The following QRICH2 variants were observed in gnomAD, a reference collection of about 807,000 sequenced individuals.
QRICH2 encodes glutamine-rich protein 2.
QRICH2 carries 119 observed loss-of-function variants against 168.3 expected under a neutral mutation model. That is an observed-to-expected ratio of 0.71 (90% CI 0.61 to 0.82). The LOEUF is 0.82. Ranked by LOEUF, QRICH2 falls within the 40% of genes least tolerant of loss-of-function variation. QRICH2 has a pLI of 0.00. For synonymous variants in QRICH2, 894 were observed against 951.2 expected, an observed-to-expected ratio of 0.94 and a Z score of 1.11; for missense variants, 2,241 against 2,491.6, an observed-to-expected ratio of 0.90 and a Z score of 2.14.
At chr17:76,297,475 C>T (rs1389121526) in intron 3 of QRICH2, among the ~76,000 whole-genome samples, 1 of 151,816 alleles carries the variant, frequency 6.6e-6, no homozygotes, top group Non-Finnish European at 1.5e-5. Context: ...CCACTGCACT[C>T]CGGCCTGGGC....
chr17:76,284,354 G>T (rs1271740886), intron 7 of QRICH2, among the ~76,000 whole-genome samples: 1 of 141,968 alleles, frequency 7.0e-6, no homozygotes, highest in East Asian at 1.9e-4. Context: ...ACACTGTCAA[G>T]AAAATGAAAA....
chr17:76,281,068 A>G lies in QRICH2; in HGVS notation c.4264-115T>C. ...CCCTTAAAACATCTGCAAGGCTGGG[A>G]GCGGTGGCTCATGCCTGTAGTCCTG... On this transcript the variant is annotated intron_variant, in intron 8 of 18. Coordinates refer to ENST00000680821, the MANE Select transcript of QRICH2 (RefSeq NM_001388453.1). The surrounding 1 kb of genome is among the most constrained non-coding windows in gnomAD (Gnocchi z 4.4). 4 of 1,413,822 alleles carry G rather than the reference A, an allele frequency of 2.8e-6. No individual in the cohort carries two copies. The highest frequency in any genetic ancestry group is 3.8e-6 in the Non-Finnish European group (4 of 1,057,638). The allele number at this position is 1,413,822 out of a possible 1,614,324, so 87.6% of individuals were successfully genotyped here. A position where few individuals can be genotyped will look rare whatever the true frequency, so the allele number is the denominator to read the frequency against.
rs1390616913 is a variant in QRICH2, at chr17:76,277,459, C to CG, written c.5118-150dup. 4.3e-6 allele frequency: 4 copies of CG among 938,576 alleles called. No individual in the cohort carries two copies. In the African/African-American group the frequency reaches 5.1e-5, roughly 12 times the overall value. 58.1% of individuals were successfully genotyped at this position (938,576 alleles called of 1,614,324 possible). On this transcript the variant is annotated intron_variant, in intron 15 of 18. Coordinates refer to ENST00000680821, the MANE Select transcript of QRICH2 (RefSeq NM_001388453.1). ...CTGAGCAGCAGGGGCCCAGAACAGG[C>CG]GGGCGGGGGTAGAGCAGCCGTGAGG...
At chr17:76,277,650 TCATACA>T in intron 15 of QRICH2, among the ~76,000 whole-genome samples, 1 of 150,412 alleles carries the variant, frequency 6.6e-6, no homozygotes. Flanking sequence ...ACATACATAC[TCATACA>T]CATGCACACA....
At chr17:76,289,716 T>A (rs1447868169) in intron 5 of QRICH2, among the ~76,000 whole-genome samples, 2 of 152,072 alleles carry the variant, frequency 1.3e-5, no homozygotes, top group Admixed American at 1.3e-4. Flanking sequence ...GGTAGGCAGA[T>A]CATCTGAGGT....
Position 76,307,776 on chromosome 17 carries a change from C to T in QRICH2, c.223G>A (p.Ala75Thr). ...RSSFSIPHLP[A>T]PKEVPKGAPR... ...GCCCCCTTGGGCACCTCCTTGGGCG[C>T]GGGCAGGTGCGGGATGCTGAACGAG... Residue 75 changes from alanine (A) to threonine (T), a missense_variant, in exon 1 of 19, where the codon GCG (alanine) becomes ACG (threonine). This residue lies in a region of QRICH2 where 2,047 missense variants were observed against 2,303.8 expected (regional missense o/e 0.89). Transcript: ENST00000680821. This position sits in a 1 kb window ranked among gnomAD's most constrained non-coding sequence, Gnocchi z 5.3. The T allele has an allele frequency of 7.2e-7, 1 of 1,381,692 alleles. No homozygotes were observed. 85.6% of individuals were successfully genotyped at this position (1,381,692 alleles called of 1,614,324 possible).
chr17:76,305,012 CAG>C, intron 1 of QRICH2, 71 bp from the exon 2 acceptor site: 1 of 970,656 alleles, frequency 1.0e-6, no homozygotes, highest in Middle Eastern at 2.1e-4. Context: ...CACACACACA[CAG>C]ATGCGCACAC....
upstream of QRICH2, chr17:76,309,751 A>G (rs2071049714): frequency 6.6e-6 from 1 of 152,222 alleles, no homozygotes; most frequent in Non-Finnish European, 1.5e-5. Flanking sequence ...CAGATACTAC[A>G]CCATTTTCTA....
At chr17:76,275,488 C>G (rs374848998) in intron 18 of QRICH2, among the ~76,000 whole-genome samples, 1 of 152,314 alleles carries the variant, frequency 6.6e-6, no homozygotes, top group African/African-American at 2.4e-5. Context: ...CTGTGCCCAG[C>G]AGCCACCATG....
chr17:76,295,298 G>A (rs1344771306), intron 3 of QRICH2, among the ~76,000 whole-genome samples: 1 of 151,780 alleles, frequency 6.6e-6, no homozygotes, highest in Non-Finnish European at 1.5e-5. Context: ...TATAAAGTTT[G>A]CTCCATTGTT....
chr17:76,307,434 G>T lies in QRICH2; in HGVS notation c.534+31C>A. On this transcript the variant is annotated intron_variant, in intron 1 of 18. Transcript: ENST00000680821. The surrounding 1 kb of genome is among the most constrained non-coding windows in gnomAD (Gnocchi z 5.3). ...GGAGGGCGGCCTGGAGGAGGCAGAC[G>T]GCCTGCGCGTGCCTCCGTGTGCGTG... 1 of 1,611,466 alleles carries T rather than the reference G, an allele frequency of 6.2e-7. No individual in the cohort carries two copies. Among genetic ancestry groups the T allele is most frequent in the Non-Finnish European group, 8.5e-7 (1 of 1,178,302 alleles).
At position 76,293,166 on chromosome 17, in the gene QRICH2, C is replaced by G; in HGVS notation, c.1561G>C (p.Asp521His). ...DQQGLTLPVV[D>H]QHGLVLPFTD... The stretch of plus-strand genomic sequence containing the variant: ...AAAGGTAGAACCAGGCCATGTTGAT[C>G]GACGACAGGCAATGTCAATCCTTGC... The change falls in exon 4 of 19, where the codon GAT (aspartate) becomes CAT (histidine). Residue 521 changes from aspartate (D) to histidine (H), a missense_variant. Asp to His is a moderately conservative substitution (Grantham distance 81). This residue lies in a region of QRICH2 where 2,047 missense variants were observed against 2,303.8 expected (regional missense o/e 0.89). Coordinates refer to ENST00000680821, the MANE Select transcript of QRICH2 (RefSeq NM_001388453.1). 1 of 1,614,220 alleles carries G rather than the reference C, an allele frequency of 6.2e-7. No individual in the cohort carries two copies.
chr17:76,299,425 A>G (rs967473528), intron 3 of QRICH2, among the ~76,000 whole-genome samples: 1 of 152,080 alleles, frequency 6.6e-6, no homozygotes, highest in Non-Finnish European at 1.5e-5. Context: ...TTCTCAGAGG[A>G]AAGCGGCATC....
chr17:76,286,037 T>C (rs1161349232), intron 7 of QRICH2, among the ~76,000 whole-genome samples: 1 of 151,742 alleles, frequency 6.6e-6, no homozygotes, highest in Non-Finnish European at 1.5e-5. Context: ...TAGCCGGGCG[T>C]GGTGGCAGGT....
At chr17:76,308,563 T>C (rs1349481863), upstream of QRICH2, 4 of 850,012 alleles carry the variant, frequency 4.7e-6, no homozygotes, top group African/African-American at 1.8e-5. Flanking sequence ...GGTGGCCCCA[T>C]GTCTATGGCC....
chr17:76,295,767 G>A (rs2143336959), intron 3 of QRICH2, among the ~76,000 whole-genome samples: 1 of 152,310 alleles, frequency 6.6e-6, no homozygotes, highest in South Asian at 2.1e-4. Context: ...GATGGGGTCT[G>A]CAGCATCTTG....
At chr17:76,274,777 G>T (rs74808805) in intron 18 of QRICH2, among the ~76,000 whole-genome samples, 7,586 of 152,210 alleles carry the variant, frequency 0.05, 257 homozygotes, top group East Asian at 0.14. Context: ...GCTTGGCTTT[G>T]AACTCCAGCT....
In QRICH2 at chr17:76,275,920, T is replaced by C; in HGVS notation, c.5381A>G (p.Gln1794Arg). ...CCTGTGCACGTGGGGCCTGGGCTGC[T>C]GGGACTTGCGCTTTGAGGTCCCTGA... ...DSSGTSKRKS[Q>R]QPRPHVHRPP... is the part of the protein sequence containing the mutation. The change falls in exon 18 of 19, where the codon CAG becomes CGG. Residue 1794 changes from glutamine to arginine, a missense_variant. Around this residue, in one of 3 missense-constraint regions of QRICH2, gnomAD observed 189 missense variants for 169.3 expected, o/e 1.12. Coordinates refer to ENST00000680821, the MANE Select transcript of QRICH2 (RefSeq NM_001388453.1). The C allele has an allele frequency of 6.2e-7, 1 of 1,608,824 alleles. No individual in the cohort carries two copies. The highest frequency in any genetic ancestry group is 8.5e-7 in the Non-Finnish European group (1 of 1,179,900).
chr17:76,290,076 G>C lies in QRICH2; in HGVS notation c.3714C>G (p.Val1238=). ...GCAGTTCAGGAGGTATGGTCCTTTTGACTATGGAAAGCAGAAGCCTTATGA... is the reference window on the plus strand; with the variant it reads ...GCAGTTCAGGAGGTATGGTCCTTTTCACTATGGAAAGCAGAAGCCTTATGA... ...EKIQFLLAQM[V]KRTIPPELQE... is the part of the protein sequence containing the mutation. The change falls in exon 5 of 19, where the codon GTC becomes GTG. Residue 1238 remains valine (V), a splice_region_variant and synonymous_variant. Coordinates refer to ENST00000680821, the MANE Select transcript of QRICH2 (RefSeq NM_001388453.1). 1 of 1,610,430 alleles carries C rather than the reference G, an allele frequency of 6.2e-7. No individual in the cohort carries two copies. Among genetic ancestry groups the C allele is most frequent in the Middle Eastern group, 1.7e-4 (1 of 6,046 alleles).
Sources: allele counts gnomAD v4.1 joint callset (sites outside exome capture counted in the v4.1 genomes callset), GRCh38; gene constraint gnomAD v4.1.1; regional missense constraint gnomAD v4.1.1; non-coding constraint Gnocchi (gnomAD v3.1); transcripts MANE v1.5; gene names NCBI Gene and HGNC (gene_info 2026-07-23, HGNC 2026-07-21).